PHACTR1: variants seen among roughly 807,000 people sequenced by gnomAD.
PHACTR1 encodes the protein RPEL repeat containing 1.
PHACTR1 carries 16 observed loss-of-function variants against 69.2 expected under a neutral mutation model. The ratio of observed to expected loss-of-function variants is 0.23; its 90% CI spans 0.16 to 0.35. PHACTR1 has a LOEUF of 0.35. PHACTR1 is among the 10% of genes least tolerant of loss of function. The pLI is 1.00. For synonymous variants in PHACTR1, 312 were observed against 284.5 expected, an observed-to-expected ratio of 1.10 and a Z score of -0.97; for missense variants, 510 against 734.7, an observed-to-expected ratio of 0.69 and a Z score of 3.54.
chr6:12,931,003 CAAAAAAAAAAAA>C (rs34965562), intron 4 of PHACTR1, among the ~76,000 whole-genome samples: 3 of 86,188 alleles, frequency 3.5e-5, no homozygotes, highest in African/African-American at 1.1e-4. Flanking sequence ...AACTCTGTCT[CAAAAAAAAAAAA>C]AAAAAAAAAA....
intron 5 of PHACTR1, among the ~76,000 whole-genome samples, chr6:13,081,084 G>A (rs540181203): frequency 2.0e-5 from 3 of 152,220 alleles, no homozygotes; most frequent in East Asian, 1.9e-4. Flanking sequence ...TTAAAACACC[G>A]AGCATAAAAA....
intron 3 of PHACTR1, among the ~76,000 whole-genome samples, chr6:12,746,666 CT>C (rs1765820283): frequency 6.6e-6 from 1 of 152,188 alleles, no homozygotes; most frequent in Non-Finnish European, 1.5e-5. Context: ...TGCATTTAAA[CT>C]CCTTTGAAGA....
intron 5 of PHACTR1, among the ~76,000 whole-genome samples, chr6:13,092,152 A>G (rs1352593355): frequency 2.6e-5 from 4 of 152,174 alleles, no homozygotes; most frequent in African/African-American, 4.8e-5. Flanking sequence ...GACGGAGCTC[A>G]GGTGGTAATG....
At chr6:13,278,988 G>A (rs1394065325) in intron 12 of PHACTR1, among the ~76,000 whole-genome samples, 6 of 146,552 alleles carry the variant, frequency 4.1e-5, no homozygotes, top group African/African-American at 1.3e-4. Flanking sequence ...TTACTAGTTC[G>A]AATATTACAC....
At chr6:12,827,032 C>T (rs1208594146) in intron 4 of PHACTR1, among the ~76,000 whole-genome samples, 2 of 152,176 alleles carry the variant, frequency 1.3e-5, no homozygotes, top group Non-Finnish European at 2.9e-5. Flanking sequence ...ACCCACTTTC[C>T]CTCACTCGTT....
chr6:12,835,672 T>G (rs1178197302), intron 4 of PHACTR1, among the ~76,000 whole-genome samples: 1 of 152,160 alleles, frequency 6.6e-6, no homozygotes, highest in Non-Finnish European at 1.5e-5. Flanking sequence ...TTTGCTATGT[T>G]TTATGCAATA....
chr6:12,755,365 G>T (rs746210963), intron 4 of PHACTR1, among the ~76,000 whole-genome samples: 62 of 152,120 alleles, frequency 4.1e-4, no homozygotes, highest in African/African-American at 1.4e-3. Context: ...CTAAGATGAG[G>T]GTTTTAGATT....
At chr6:13,213,515 G>A (rs1767197246) in intron 8 of PHACTR1, among the ~76,000 whole-genome samples, 1 of 152,172 alleles carries the variant, frequency 6.6e-6, no homozygotes, top group South Asian at 2.1e-4. Flanking sequence ...AATGTGGATG[G>A]GAACCATCCT....
chr6:13,171,504 G>T lies in PHACTR1; in HGVS notation c.497-11015G>T, dbSNP rs909738174. 2.0e-5 allele frequency among the ~76,000 whole-genome samples: 3 copies of T among 152,220 alleles called. No individual in the cohort carries two copies. The East Asian group carries it at 5.8e-4, about 29-fold the overall frequency. ...TTTCAAGTCTACCTTGAGCGGTGCT[G>T]TCCAGTAGAACTTTCAACAGTAACA... On this transcript the variant is annotated intron_variant, in intron 6 of 14. Transcript: ENST00000332995.
At chr6:13,140,860 C>G (rs1200591988) in intron 5 of PHACTR1, among the ~76,000 whole-genome samples, 1 of 152,188 alleles carries the variant, frequency 6.6e-6, no homozygotes, top group African/African-American at 2.4e-5. Flanking sequence ...TAATGCATGA[C>G]AGAGTCCAGA....
chr6:12,802,444 A>G (rs1477446401), intron 4 of PHACTR1, among the ~76,000 whole-genome samples: 2 of 152,168 alleles, frequency 1.3e-5, no homozygotes, highest in Admixed American at 6.5e-5. Context: ...GCAGAACAGG[A>G]ACAAATTAAA....
At chr6:13,057,148 T>C (rs2127743369) in intron 5 of PHACTR1, among the ~76,000 whole-genome samples, 1 of 152,340 alleles carries the variant, frequency 6.6e-6, no homozygotes, top group South Asian at 2.1e-4. Flanking sequence ...AGAATTGGAA[T>C]GTTCCAACAA....
At chr6:12,777,185 G>A (rs1205986743) in intron 4 of PHACTR1, among the ~76,000 whole-genome samples, 1 of 151,458 alleles carries the variant, frequency 6.6e-6, no homozygotes, top group East Asian at 1.9e-4. Flanking sequence ...AAGAATTATA[G>A]TGTAGACACA....
chr6:12,818,229 T>C (rs1197182802), intron 4 of PHACTR1, among the ~76,000 whole-genome samples: 1 of 152,200 alleles, frequency 6.6e-6, no homozygotes, highest in East Asian at 1.9e-4. Flanking sequence ...TTCTCAGGAA[T>C]CTGTGACTTG....
intron 4 of PHACTR1, among the ~76,000 whole-genome samples, chr6:12,842,785 A>G (rs992352371): frequency 1.3e-5 from 2 of 152,040 alleles, no homozygotes; most frequent in African/African-American, 4.8e-5. Flanking sequence ...GCCTTAAGCA[A>G]TCCCATGCCT....
chr6:13,139,284 A>T (rs1383795364), intron 5 of PHACTR1, among the ~76,000 whole-genome samples: 1 of 152,152 alleles, frequency 6.6e-6, no homozygotes, highest in Non-Finnish European at 1.5e-5. Context: ...GTTTTATTGG[A>T]ACGCAGCCAC....
intron 6 of PHACTR1, among the ~76,000 whole-genome samples, chr6:13,165,580 G>T (rs1479982496): frequency 6.6e-6 from 1 of 152,172 alleles, no homozygotes; most frequent in South Asian, 2.1e-4. Context: ...TTGCCAAGGA[G>T]TGATGAGCGC....
chr6:12,987,394 G>C (rs536222551), intron 4 of PHACTR1, among the ~76,000 whole-genome samples: 1 of 152,142 alleles, frequency 6.6e-6, no homozygotes. Flanking sequence ...TGAGATGAGA[G>C]CTCAACTTGG....
At chr6:12,847,107 G>A (rs146887439) in intron 4 of PHACTR1, among the ~76,000 whole-genome samples, 1 of 152,222 alleles carries the variant, frequency 6.6e-6, no homozygotes, top group East Asian at 1.9e-4. Flanking sequence ...GTGAGCCACT[G>A]CGCCCAGCAG....
Sources: allele counts gnomAD v4.1 joint callset (sites outside exome capture counted in the v4.1 genomes callset), GRCh38; gene constraint gnomAD v4.1.1; transcripts MANE v1.5; gene names NCBI Gene and HGNC (gene_info 2026-07-23, HGNC 2026-07-21).